RAPH1: variants seen among roughly 807,000 people sequenced by gnomAD.
RAPH1 encodes ras-associated and pleckstrin homology domains-containing protein 1.
A neutral mutation model predicts 88.1 loss-of-function variants in RAPH1; 18 were observed. The ratio of observed to expected loss-of-function variants is 0.20; its 90% confidence interval spans 0.14 to 0.30. RAPH1 has a LOEUF of 0.30. Among genes scored for constraint, RAPH1 ranks in the 10% least tolerant of loss-of-function variants. RAPH1 has a pLI of 1.00. For synonymous variants in RAPH1, 587 were observed against 559.0 expected (o/e 1.05, Z -0.71); for missense variants, 1,448 against 1,543.2 (o/e 0.94, Z 1.03).
intron 9 of RAPH1, among the ~76,000 whole-genome samples, chr2:203,455,104 A>G (rs2098518205): frequency 6.6e-6 from 1 of 152,162 alleles, no homozygotes. Context: ...TTACCCAAAC[A>G]AGATAAAAAA....
intron 4 of RAPH1, among the ~76,000 whole-genome samples, chr2:203,480,415 G>A (rs983231053): frequency 6.6e-6 from 1 of 152,168 alleles, no homozygotes; most frequent in African/African-American, 2.4e-5. Flanking sequence ...GGGTGTGGTG[G>A]TGCGCGCCTA....
chr2:203,495,408 A>T, intron 1 of RAPH1, 55 bp from the exon 2 acceptor site: 1 of 1,581,280 alleles, frequency 6.3e-7, no homozygotes, highest in Non-Finnish European at 8.7e-7. Flanking sequence ...TTAACTTGAA[A>T]AATTATGCCA....
chr2:203,455,539 T>C lies in RAPH1; in HGVS notation c.1200A>G (p.Glu400=). 6.2e-7 allele frequency: 1 copy of C among 1,613,454 alleles called. No individual in the cohort carries two copies. Among genetic ancestry groups the C allele is most frequent in the Non-Finnish European group, 8.5e-7 (1 of 1,179,540 alleles). Residue 400 remains glutamate (E), a synonymous_variant, in exon 9 of 14, where the codon GAA becomes GAG. Transcript: ENST00000319170. ...CATCATCCTTCAACCAAAGGACTCC[T>C]TCAATTTCTGGTACAGTTACAGAAC... is the stretch of plus-strand genomic sequence containing the variant. ...CGSSVTVPEI[E]GVLWLKDDGK...
intron 1 of RAPH1, among the ~76,000 whole-genome samples, chr2:203,501,162 T>G (rs562116772): frequency 6.6e-6 from 1 of 150,810 alleles, no homozygotes; most frequent in Non-Finnish European, 1.5e-5. Flanking sequence ...AGAAAAAAAA[T>G]GTTAAATTTA....
chr2:203,474,936 C>T (rs139166444), intron 4 of RAPH1, among the ~76,000 whole-genome samples: 1,886 of 152,188 alleles, frequency 0.012, 21 homozygotes, highest in Non-Finnish European at 0.02. Context: ...CATGGCAAAA[C>T]GCCATCTCTA....
At chr2:203,481,100 A>G (rs1312046786) in intron 4 of RAPH1, among the ~76,000 whole-genome samples, 2 of 152,206 alleles carry the variant, frequency 1.3e-5, no homozygotes, top group Non-Finnish European at 2.9e-5. Context: ...AAAAATACAA[A>G]AACACCACAA....
At chr2:203,458,321 C>G (rs1478840820) in intron 7 of RAPH1, among the ~76,000 whole-genome samples, 2 of 151,992 alleles carry the variant, frequency 1.3e-5, no homozygotes, top group African/African-American at 4.8e-5. Context: ...AAGATCACGC[C>G]ACTGACTCCA....
intron 9 of RAPH1, 91 bp downstream of exon 9, chr2:203,455,346 A>G: frequency 1.7e-6 from 2 of 1,208,902 alleles, no homozygotes; most frequent in South Asian, 3.2e-5. Flanking sequence ...GAAACAAATC[A>G]TAGCCTGGGT....
Position 203,450,021 on chromosome 2 carries a change from TC to T in RAPH1, c.1414-1186del, listed in dbSNP as rs1366131871. Among the ~76,000 whole-genome samples the T allele has an allele frequency of 3.9e-3, 493 of 126,528 alleles. 5 individuals carry two copies. Among genetic ancestry groups the T allele is most frequent in the Non-Finnish European group, 5.4e-3 (326 of 60,874 alleles). The allele number at this position is 126,528 out of a possible 152,430, so 83.0% of individuals were successfully genotyped here. On this transcript the variant is annotated intron_variant, in intron 10 of 13. Coordinates refer to ENST00000319170, the MANE Select transcript of RAPH1 (RefSeq NM_213589.3). ...CTGGGTAACAGAGCGAGACTTCGTC[TC>T]CAAAAAAAAAAAAAAACAAAGAAAG... is the stretch of plus-strand genomic sequence containing the variant.
chr2:203,521,663 C>T lies in RAPH1; in HGVS notation c.-1+13448G>A, dbSNP rs918240937. 3.3e-5 allele frequency among the ~76,000 whole-genome samples: 5 copies of T among 151,840 alleles called. No individual in the cohort carries two copies. The East Asian group carries it at 5.8e-4, about 18-fold the overall frequency. On this transcript the variant is annotated intron_variant, in intron 1 of 13. Coordinates refer to ENST00000319170, the MANE Select transcript of RAPH1 (RefSeq NM_213589.3). ...ACAAATTTTATTTTTAAAAAATATT[C>T]GAAATAAAAATGTAACATATGCTTA...
intron 10 of RAPH1, among the ~76,000 whole-genome samples, chr2:203,453,863 C>G (rs1350019023): frequency 2.0e-5 from 3 of 151,644 alleles, no homozygotes; most frequent in African/African-American, 4.8e-5. Flanking sequence ...CCGTTCTTCT[C>G]AGAAGTACAG....
In RAPH1 at chr2:203,491,300, G is replaced by A. The variant is rs765884494; in HGVS notation, c.140C>T (p.Pro47Leu). Residue 47 changes from proline (P) to leucine (L), a missense_variant, in exon 3 of 14, where the codon CCC (proline) becomes CTC (leucine). Pro to Leu is a moderately conservative substitution (Grantham distance 98). Around this residue, in one of 2 missense-constraint regions of RAPH1, gnomAD observed 513 missense variants for 653.1 expected, o/e 0.79. Transcript: ENST00000319170. ...KLTQSLDSDK[P>L]MEPVKRSPLR... is the part of the protein sequence containing the mutation. ...AGGAGATCTTTTTACTGGTTCCATGGGCTTGTCAGAATCCAAACTCTTTAT... is the reference window on the plus strand; with the variant it reads ...AGGAGATCTTTTTACTGGTTCCATGAGCTTGTCAGAATCCAAACTCTTTAT... 6 of 1,611,034 alleles carry A rather than the reference G, an allele frequency of 3.7e-6. No homozygotes were observed. The Admixed American group carries it at 5.0e-5, about 13-fold the overall frequency.
chr2:203,441,908 G>A (rs1242221126), intron 13 of RAPH1: 1 of 1,348,154 alleles, frequency 7.4e-7, no homozygotes. Flanking sequence ...ATGGCTTTTT[G>A]ATGCTAGTAA....
At chr2:203,445,207 C>A (rs1019692681) in intron 12 of RAPH1, 197 bp from the exon 13 acceptor site, 40 of 477,820 alleles carry the variant, frequency 8.4e-5, no homozygotes, top group African/African-American at 5.7e-4. Context: ...TAAGAAATCT[C>A]AGATTAGTGT....
At position 203,439,840 on chromosome 2, in the gene RAPH1, T is replaced by C; in HGVS notation, c.3350A>G (p.Lys1117Arg). The change falls in exon 14 of 14, where the codon AAG becomes AGG. Residue 1117 changes from lysine (K) to arginine (R), a missense_variant. Physicochemically the swap from Lys to Arg is conservative, Grantham distance 26. Around this residue, in one of 2 missense-constraint regions of RAPH1, gnomAD observed 935 missense variants for 890.1 expected, o/e 1.05. Coordinates refer to ENST00000319170, the MANE Select transcript of RAPH1 (RefSeq NM_213589.3). ...GGGTCGTGTGGGTGGAGGGGCCTTCTTCACTGACATTTTAGACCATTGTTG... is the reference window on the plus strand; with the variant it reads ...GGGTCGTGTGGGTGGAGGGGCCTTCCTCACTGACATTTTAGACCATTGTTG... ...QPQQWSKMSV[K>R]KAPPPTRPKR... 3 of 1,613,974 alleles carry C rather than the reference T, an allele frequency of 1.9e-6. No homozygotes were observed. Among genetic ancestry groups the C allele is most frequent in the Non-Finnish European group, 2.5e-6 (3 of 1,179,982 alleles).
chr2:203,444,868 C>T lies in RAPH1; in HGVS notation c.1776G>A (p.Lys592=), dbSNP rs975195569. 5.6e-6 allele frequency: 9 copies of T among 1,611,938 alleles called. No homozygotes were observed. Among genetic ancestry groups the T allele is most frequent in the Non-Finnish European group, 7.6e-6 (9 of 1,179,406 alleles). ...ATGTAAATTAAAACGAAGCTGTTAC[C>T]TTGCTGGACTCTTCCAACTGAGTGC... ...KRGTQLEESS[K]ARMESMNRPY... The change falls in exon 13 of 14, where the codon AAG becomes AAA. Residue 592 remains lysine (K), a splice_region_variant and synonymous_variant. Transcript: ENST00000319170.
chr2:203,489,784 C>T lies in RAPH1; in HGVS notation c.532G>A (p.Asp178Asn). Reference protein sequence around the residue: ...DEAAQQSVLEDTKPLVTNQHR... With the variant: ...DEAAQQSVLENTKPLVTNQHR... ...TGATTAGTTACTAAGGGTTTAGTATCTTCTAGTACAGATTGCTGAGCAGCC... is the reference window on the plus strand; with the variant it reads ...TGATTAGTTACTAAGGGTTTAGTATTTTCTAGTACAGATTGCTGAGCAGCC... The change falls in exon 4 of 14, where the codon GAT (aspartate) becomes AAT (asparagine). Residue 178 changes from aspartate to asparagine, a missense_variant. This residue lies in a region of RAPH1 where 513 missense variants were observed against 653.1 expected (regional missense o/e 0.79). Coordinates refer to ENST00000319170, the MANE Select transcript of RAPH1 (RefSeq NM_213589.3). The T allele has an allele frequency of 6.2e-7, 1 of 1,614,182 alleles. No individual in the cohort carries two copies. Among genetic ancestry groups the T allele is most frequent in the East Asian group, 2.2e-5 (1 of 44,880 alleles).
At chr2:203,532,246 T>G (rs921862161) in intron 1 of RAPH1, among the ~76,000 whole-genome samples, 2 of 152,196 alleles carry the variant, frequency 1.3e-5, no homozygotes, top group Admixed American at 1.3e-4. Flanking sequence ...GTGTGCATGA[T>G]CATAGCGCAC....
rs1269741431 is a variant in RAPH1, at chr2:203,436,586, T to G, written c.*2851A>C. 1 of 152,232 alleles carries G rather than the reference T, an allele frequency of 6.6e-6. No homozygotes were observed. Among genetic ancestry groups the G allele is most frequent in the East Asian group, 1.9e-4 (1 of 5,194 alleles). 9.4% of individuals were successfully genotyped at this position (152,232 alleles called of 1,614,324 possible). A position where few individuals can be genotyped will look rare whatever the true frequency, so the allele number is the denominator to read the frequency against. On this transcript the variant is annotated 3_prime_UTR_variant, in exon 14 of 14. Coordinates refer to ENST00000319170, the MANE Select transcript of RAPH1 (RefSeq NM_213589.3). ...TAGTAGAAATTAGGAGTGTCACTAATTAAGCAAGTCACTACCTCTAATAAG... is the reference window on the plus strand; with the variant it reads ...TAGTAGAAATTAGGAGTGTCACTAAGTAAGCAAGTCACTACCTCTAATAAG...
Sources: allele counts gnomAD v4.1 joint callset (sites outside exome capture counted in the v4.1 genomes callset), GRCh38; gene constraint gnomAD v4.1.1; regional missense constraint gnomAD v4.1.1; transcripts MANE v1.5; gene names NCBI Gene and HGNC (gene_info 2026-07-23, HGNC 2026-07-21).